The following PODXL variants were observed in gnomAD, a reference collection of about 807,000 sequenced individuals.
PODXL encodes podocalyxin.
Under a neutral mutation model 48.9 loss-of-function variants are expected in PODXL, and 20 were observed. The observed-to-expected ratio is 0.41, with a 90% CI of 0.29 to 0.59. The LOEUF (loss-of-function observed/expected upper bound fraction) is 0.59, where lower values mean the gene tolerates loss of function less well. Among genes scored for constraint, PODXL ranks in the 20% least tolerant of loss-of-function variants. The probability of loss-of-function intolerance (pLI) is 0.31; values close to 1 mark genes in which losing one functional copy is unlikely to be tolerated. For missense variants in PODXL, 606 were observed against 675.1 expected, an observed-to-expected ratio of 0.90 and a Z score of 1.13; for synonymous variants, 295 against 287.4, an observed-to-expected ratio of 1.03 and a Z score of -0.27.
intron 1 of PODXL, among the ~76,000 whole-genome samples, chr7:131,544,230 C>T (rs1488823445): frequency 1.3e-5 from 2 of 152,198 alleles, no homozygotes; most frequent in East Asian, 1.9e-4. Context: ...CGCACCCACA[C>T]AAATACCCAG....
chr7:131,508,194 C>A (rs528975210), intron 5 of PODXL, among the ~76,000 whole-genome samples: 1 of 152,340 alleles, frequency 6.6e-6, no homozygotes, highest in Admixed American at 6.5e-5. Context: ...ACCTCCCTCA[C>A]ACAGGTGTGC....
intron 1 of PODXL, among the ~76,000 whole-genome samples, chr7:131,537,904 C>T (rs1216251804): frequency 1.3e-5 from 2 of 152,134 alleles, no homozygotes; most frequent in Non-Finnish European, 2.9e-5. Flanking sequence ...GCAGACTGTT[C>T]GCCCCCATTA....
chr7:131,522,487 C>G (rs1161853057), intron 1 of PODXL, among the ~76,000 whole-genome samples: 1 of 152,092 alleles, frequency 6.6e-6, no homozygotes, highest in East Asian at 1.9e-4. Context: ...CTGCAAAAGG[C>G]AGACTATTTG....
chr7:131,511,001 A>T lies in PODXL; in HGVS notation c.533T>A (p.Leu178Gln). ...TDLTSTKAEH[L>Q]TTPHPTSPLS... is the part of the protein sequence containing the mutation. ...TGGACTTGTAGGGTGAGGGGTCGTCAGATGTTCTGCCTTAGTGGATGTGAG... is the reference window on the plus strand; with the variant it reads ...TGGACTTGTAGGGTGAGGGGTCGTCTGATGTTCTGCCTTAGTGGATGTGAG... Residue 178 changes from leucine (L) to glutamine (Q), a missense_variant, in exon 2 of 9, where the codon CTG becomes CAG. Leu to Gln is a moderately radical substitution (Grantham distance 113). Transcript: ENST00000378555. 1 of 1,614,132 alleles carries T rather than the reference A, an allele frequency of 6.2e-7. No individual in the cohort carries two copies. The highest frequency in any genetic ancestry group is 8.5e-7 in the Non-Finnish European group (1 of 1,180,022).
chr7:131,538,418 A>G (rs6953894), intron 1 of PODXL, among the ~76,000 whole-genome samples: 97,945 of 151,938 alleles, frequency 0.64, 32,188 homozygotes, highest in East Asian at 0.85. Context: ...CACAGGGTTC[A>G]ATGACCTCTA....
chr7:131,511,190 T>G lies in PODXL; in HGVS notation c.344A>C (p.Asn115Thr), dbSNP rs1248715151. 9.3e-6 allele frequency: 15 copies of G among 1,613,908 alleles called. No individual in the cohort carries two copies. The highest frequency in any genetic ancestry group is 1.3e-5 in the Non-Finnish European group (15 of 1,179,996). ...TTVARGGGSG[N>T]PTTTIESPKS... ...GGGGCTCTCGATGGTGGTAGTAGGG[T>G]TGCCTGAGCCGCCTCCTCTAGCCAC... Residue 115 changes from asparagine (N) to threonine (T), a missense_variant, in exon 2 of 9, where the codon AAC (asparagine) becomes ACC (threonine). Asn to Thr is a moderately conservative substitution (Grantham distance 65). Transcript: ENST00000378555.
At chr7:131,536,752 C>T (rs1364644411) in intron 1 of PODXL, among the ~76,000 whole-genome samples, 1 of 152,164 alleles carries the variant, frequency 6.6e-6, no homozygotes, top group Non-Finnish European at 1.5e-5. Context: ...TTCTACTGTG[C>T]TCAGTCAGGA....
chr7:131,504,560 T>G, intron 8 of PODXL, 52 bp from the exon 9 acceptor site: 1 of 1,482,074 alleles, frequency 6.7e-7, no homozygotes, highest in Middle Eastern at 1.9e-4. Context: ...GGCTCTGAGC[T>G]TAATACAGCG....
At chr7:131,515,957 T>C (rs1181152984) in intron 1 of PODXL, among the ~76,000 whole-genome samples, 1 of 152,188 alleles carries the variant, frequency 6.6e-6, no homozygotes, top group Admixed American at 6.5e-5. Context: ...GACTCTGACC[T>C]AGGAGAAGGC....
intron 1 of PODXL, among the ~76,000 whole-genome samples, chr7:131,550,893 A>G (rs1216451187): frequency 6.6e-6 from 1 of 151,856 alleles, no homozygotes; most frequent in Non-Finnish European, 1.5e-5. Context: ...CTGGCCTGCA[A>G]TCCCCCATTT....
chr7:131,544,512 G>A (rs1332215294), intron 1 of PODXL, among the ~76,000 whole-genome samples: 1 of 152,204 alleles, frequency 6.6e-6, no homozygotes, highest in Non-Finnish European at 1.5e-5. Context: ...CCATGGAGAA[G>A]CAAAACCCAG....
intron 1 of PODXL, among the ~76,000 whole-genome samples, chr7:131,532,199 G>A (rs1584823409): frequency 6.6e-6 from 1 of 150,992 alleles, no homozygotes; most frequent in East Asian, 2.0e-4. Context: ...ACTTTGGGAG[G>A]CCGAGGAGGG....
intron 1 of PODXL, among the ~76,000 whole-genome samples, chr7:131,530,747 G>C (rs1281465774): frequency 1.5e-5 from 2 of 135,036 alleles, no homozygotes. Flanking sequence ...AATGGGGAAA[G>C]ATCATGTCTC....
intron 1 of PODXL, among the ~76,000 whole-genome samples, chr7:131,546,267 G>A (rs1000550137): frequency 2.0e-5 from 3 of 152,122 alleles, no homozygotes; most frequent in Non-Finnish European, 4.4e-5. Context: ...GGGATCCCAG[G>A]GCTAGGAGGG....
At chr7:131,546,899 G>T (rs554095621) in intron 1 of PODXL, among the ~76,000 whole-genome samples, 1 of 152,096 alleles carries the variant, frequency 6.6e-6, no homozygotes. Flanking sequence ...CTAAAACTGC[G>T]GTCTCCAACT....
At chr7:131,543,323 A>C (rs1475625908) in intron 1 of PODXL, among the ~76,000 whole-genome samples, 4 of 152,004 alleles carry the variant, frequency 2.6e-5, no homozygotes, top group Non-Finnish European at 5.9e-5. Context: ...ATAGGGCCTC[A>C]CTATGTTGCC....
intron 1 of PODXL, among the ~76,000 whole-genome samples, chr7:131,521,736 G>A (rs1171699971): frequency 6.6e-6 from 1 of 152,182 alleles, no homozygotes; most frequent in African/African-American, 2.4e-5. Flanking sequence ...ACAACACAGG[G>A]CAGTTTACTC....
At chr7:131,528,585 T>G (rs1023032629) in intron 1 of PODXL, among the ~76,000 whole-genome samples, 3 of 152,210 alleles carry the variant, frequency 2.0e-5, no homozygotes, top group Non-Finnish European at 4.4e-5. Context: ...GACCACACTT[T>G]GAGAACCACT....
In PODXL at chr7:131,503,730, G is replaced by A; in HGVS notation, c.*581C>T. 3 of 157,510 alleles carry A rather than the reference G, an allele frequency of 1.9e-5. No individual in the cohort carries two copies. The highest frequency in any genetic ancestry group is 1.9e-4 in the South Asian group (1 of 5,188). The allele number at this position is 157,510 out of a possible 1,614,324, so 9.8% of individuals were successfully genotyped here. On this transcript the variant is annotated 3_prime_UTR_variant, in exon 9 of 9. Transcript: ENST00000378555. ...GGGGTAAGAACATAGAGGGTGGGAA[G>A]ATGGGTACACGAGGCTGGGGTAGGA... is the stretch of plus-strand genomic sequence containing the variant.
Sources: gnomAD v4.1 joint callset for allele counts (sites outside exome capture counted in the v4.1 genomes callset) on GRCh38, gnomAD v4.1.1 for gene constraint, MANE v1.5 for transcripts, NCBI Gene and HGNC (gene_info 2026-07-23, HGNC 2026-07-21) for gene names.